RHOBTB2: variants seen among roughly 807,000 people sequenced by gnomAD.
RHOBTB2 encodes Rho related BTB domain containing 2.
In RHOBTB2, 39 loss-of-function variants were observed where a neutral mutation model predicts 66.5. The observed-to-expected ratio is 0.59, with a 90% CI of 0.45 to 0.77. The LOEUF is 0.77. RHOBTB2 is among the 30% of genes least tolerant of loss of function. RHOBTB2 has a pLI of 0.00. For synonymous variants in RHOBTB2, 390 were observed against 395.0 expected, an observed-to-expected ratio of 0.99 and a Z score of 0.15; for missense variants, 755 against 999.1, an observed-to-expected ratio of 0.76 and a Z score of 3.29.
Position 23,017,196 on chromosome 8 carries a change from C to A in RHOBTB2, c.1967-56C>A, listed in dbSNP as rs1377742721. 2.6e-5 allele frequency: 41 copies of A among 1,600,208 alleles called. No individual in the cohort carries two copies. Among genetic ancestry groups the A allele is most frequent in the Non-Finnish European group, 3.4e-5 (40 of 1,172,162 alleles). On this transcript the variant is annotated intron_variant, in intron 9 of 9. Transcript: ENST00000251822. The surrounding 1 kb of genome is among the most constrained non-coding windows in gnomAD (Gnocchi z 5.3). ...GTGGTGGGGTAGGGCTGGTGTCCCA[C>A]GTTCCTCTTGTCCCTCTGCCTCCTT...
upstream of RHOBTB2, among the ~76,000 whole-genome samples, chr8:22,995,393 T>G (rs539545838): frequency 6.6e-6 from 1 of 152,260 alleles, no homozygotes; most frequent in South Asian, 2.1e-4. Context: ...ATTGGTGTGA[T>G]TGGTATTATT....
the RHOBTB2 span, among the ~76,000 whole-genome samples, chr8:22,975,126 C>G: frequency 6.6e-6 from 1 of 152,126 alleles, no homozygotes; most frequent in Non-Finnish European, 1.5e-5. Flanking sequence ...CATCTCCAAA[C>G]AGTTGTCCCC....
At position 23,019,903 on chromosome 8, in the gene RHOBTB2, C is replaced by T; in HGVS notation, c.*2434C>T. 1 of 212,996 alleles carries T rather than the reference C, an allele frequency of 4.7e-6. No individual in the cohort carries two copies. The highest frequency in any genetic ancestry group is 9.6e-6 in the Non-Finnish European group (1 of 104,418). 13.2% of individuals were successfully genotyped at this position (212,996 alleles called of 1,614,324 possible). A position where few individuals can be genotyped will look rare whatever the true frequency, so the allele number is the denominator to read the frequency against. On this transcript the variant is annotated 3_prime_UTR_variant, in exon 10 of 10. Coordinates refer to ENST00000251822, the MANE Select transcript of RHOBTB2 (RefSeq NM_015178.3). ...GTGTCCCTGTCCCCAGAGGGAGGAG[C>T]AGGCAGGAGAGAGAGGGGAAGGAGG...
At chr8:22,966,860 A>T in the RHOBTB2 span, among the ~76,000 whole-genome samples, 1 of 152,214 alleles carries the variant, frequency 6.6e-6, no homozygotes, top group East Asian at 1.9e-4. Context: ...TCCATGTAGC[A>T]CTCTAGGATG....
rs547449878 is a variant in RHOBTB2 at position 23,007,891 on chromosome 8, G to A, written c.1502-102G>A. On this transcript the variant is annotated intron_variant, in intron 5 of 9. Transcript: ENST00000251822. ...CCAGCTGGGAGCGGGTTTGTTCCGT[G>A]CCCCGAATCTTCTGGGTTCAGGAGG... 3.0e-5 allele frequency: 44 copies of A among 1,479,260 alleles called. No homozygotes were observed. The East Asian group carries it at 9.3e-4, about 31-fold the overall frequency. 91.6% of individuals were successfully genotyped at this position (1,479,260 alleles called of 1,614,324 possible). A position where few individuals can be genotyped will look rare whatever the true frequency, so the allele number is the denominator to read the frequency against.
At chr8:22,959,581 C>T in the RHOBTB2 span, among the ~76,000 whole-genome samples, 1 of 152,080 alleles carries the variant, frequency 6.6e-6, no homozygotes, top group Admixed American at 6.6e-5. Flanking sequence ...AATTCAATTA[C>T]AGCTCTCCCA....
the RHOBTB2 span, among the ~76,000 whole-genome samples, chr8:22,954,898 G>A: frequency 6.6e-6 from 1 of 152,310 alleles, no homozygotes; most frequent in African/African-American, 2.4e-5. Flanking sequence ...TTGGGAGGCC[G>A]AGGTGGGCAG....
chr8:23,000,282 T>G (rs1344064135), intron 1 of RHOBTB2, among the ~76,000 whole-genome samples, 177 bp downstream of exon 1: 1 of 152,216 alleles, frequency 6.6e-6, no homozygotes, highest in African/African-American at 2.4e-5. Context: ...TTTCCGGTGT[T>G]TCTAGGGAAA....
the RHOBTB2 span, among the ~76,000 whole-genome samples, chr8:22,965,444 T>C: frequency 6.6e-6 from 1 of 152,156 alleles, no homozygotes; most frequent in Non-Finnish European, 1.5e-5. Context: ...AAAATTCATA[T>C]AGAATCTCAG....
At chr8:23,016,400 T>TA (rs981370568) in intron 9 of RHOBTB2, among the ~76,000 whole-genome samples, 7 of 151,694 alleles carry the variant, frequency 4.6e-5, no homozygotes, top group South Asian at 2.1e-4. Flanking sequence ...ACAACACTTT[T>TA]AAAAAAAAAT....
At chr8:22,965,270 A>G in the RHOBTB2 span, among the ~76,000 whole-genome samples, 2 of 152,220 alleles carry the variant, frequency 1.3e-5, no homozygotes, top group African/African-American at 4.8e-5. Flanking sequence ...CAATTAAGCT[A>G]TCTGACTCAA....
upstream of RHOBTB2, among the ~76,000 whole-genome samples, chr8:22,982,672 A>C (rs1810231014): frequency 6.6e-6 from 1 of 152,226 alleles, no homozygotes; most frequent in South Asian, 2.1e-4. Context: ...ACAGAGCGAG[A>C]CAACGTCACA....
Position 23,017,209 on chromosome 8 carries a change from C to T in RHOBTB2, c.1967-43C>T, listed in dbSNP as rs1811316505. ...GCTGGTGTCCCACGTTCCTCTTGTC[C>T]CTCTGCCTCCTTTCTAACCAAGCTG... On this transcript the variant is annotated intron_variant, in intron 9 of 9. Transcript: ENST00000251822. This position sits in a 1 kb window ranked among gnomAD's most constrained non-coding sequence, Gnocchi z 5.3. The T allele has an allele frequency of 1.1e-5, 18 of 1,609,136 alleles. No homozygotes were observed. Among genetic ancestry groups the T allele is most frequent in the Non-Finnish European group, 1.5e-5 (18 of 1,176,852 alleles).
upstream of RHOBTB2, among the ~76,000 whole-genome samples, chr8:22,986,215 TG>T (rs1189411510): frequency 6.7e-6 from 1 of 149,764 alleles, no homozygotes; most frequent in Non-Finnish European, 1.5e-5. Flanking sequence ...TGCCAGGGAA[TG>T]GGTTGCTGGA....
At chr8:23,014,886 C>A in intron 8 of RHOBTB2, 108 bp downstream of exon 8, 1 of 871,672 alleles carries the variant, frequency 1.1e-6, no homozygotes, top group South Asian at 1.5e-5. Flanking sequence ...GAGAACCTGT[C>A]ATCGGACTGG....
At chr8:22,958,073 G>T in the RHOBTB2 span, among the ~76,000 whole-genome samples, 4 of 152,348 alleles carry the variant, frequency 2.6e-5, no homozygotes, top group African/African-American at 9.6e-5. Context: ...CTTTGTAGAC[G>T]TGCACTGGCT....
intron 9 of RHOBTB2, among the ~76,000 whole-genome samples, chr8:23,016,874 C>T (rs1390168486): frequency 6.6e-6 from 1 of 152,218 alleles, no homozygotes; most frequent in African/African-American, 2.4e-5. Context: ...CCGTATTCCC[C>T]CTCGGAACCT....
At chr8:23,010,317 G>A (rs1246794089) in intron 6 of RHOBTB2, among the ~76,000 whole-genome samples, 1 of 152,162 alleles carries the variant, frequency 6.6e-6, no homozygotes, top group Non-Finnish European at 1.5e-5. Context: ...GTAGAGGCCT[G>A]TACTCTGGTG....
chr8:22,957,146 A>G, the RHOBTB2 span, among the ~76,000 whole-genome samples: 1 of 151,918 alleles, frequency 6.6e-6, no homozygotes, highest in Non-Finnish European at 1.5e-5. Context: ...CCTCACAATT[A>G]GGTTGAGGTG....
Sources: gnomAD v4.1 joint callset for allele counts (sites outside exome capture counted in the v4.1 genomes callset) on GRCh38, gnomAD v4.1.1 for gene constraint, Gnocchi (gnomAD v3.1) non-coding constraint, MANE v1.5 for transcripts, NCBI Gene and HGNC (gene_info 2026-07-23, HGNC 2026-07-21) for gene names.